Variants in TMEM68 observed in about 807,000 individuals in gnomAD.
TMEM68 encodes the protein DGAT1/2-independent enzyme synthesizing storage lipids.
Under a neutral mutation model 36.9 loss-of-function variants are expected in TMEM68, and 25 were observed. The observed-to-expected ratio is 0.68, with a 90% CI of 0.49 to 0.95. The LOEUF is 0.95. TMEM68 is among the 40% of genes least tolerant of loss of function. TMEM68 has a pLI of 0.00. For synonymous variants in TMEM68, 131 were observed against 124.4 expected, an observed-to-expected ratio of 1.05 and a Z score of -0.35; for missense variants, 333 against 392.0, an observed-to-expected ratio of 0.85 and a Z score of 1.27.
intron 1 of TMEM68, among the ~76,000 whole-genome samples, chr8:55,769,602 C>T (rs907781112): frequency 6.6e-6 from 1 of 152,022 alleles, no homozygotes; most frequent in Admixed American, 6.6e-5. Context: ...CTAACAAATG[C>T]TGGCTAAATA....
chr8:55,762,570 TG>T, intron 3 of TMEM68, 64 bp downstream of exon 3: 1 of 1,595,896 alleles, frequency 6.3e-7, no homozygotes, highest in Non-Finnish European at 8.5e-7. Context: ...TAAAATGGAA[TG>T]GTAACACAGT....
At chr8:55,762,443 C>T (rs901738128) in intron 3 of TMEM68, 192 bp downstream of exon 3, 117 of 1,126,918 alleles carry the variant, frequency 1.0e-4, no homozygotes, top group African/African-American at 3.2e-4. Context: ...TGGAAACCAA[C>T]GTCTATGGGA....
intron 1 of TMEM68, among the ~76,000 whole-genome samples, chr8:55,768,145 A>T (rs1031709023): frequency 7.4e-4 from 83 of 112,784 alleles, no homozygotes; most frequent in African/African-American, 2.5e-3. Context: ...GACAGCTTTA[A>T]AAAAAAAAAA....
At chr8:55,747,773 G>A (rs963494277) in intron 5 of TMEM68, 4 of 152,032 alleles carry the variant, frequency 2.6e-5, no homozygotes, top group African/African-American at 9.7e-5. Context: ...ATATTAGTAT[G>A]GCTGAAATCC....
intron 2 of TMEM68, chr8:55,763,490 T>C (rs9721236): frequency 0.87 from 133,126 of 152,348 alleles, 58,229 homozygotes; most frequent in East Asian, 0.99. Context: ...CAGGTTCAGG[T>C]AATCCTCCTG....
chr8:55,754,814 A>AT (rs1810546377), intron 4 of TMEM68, among the ~76,000 whole-genome samples: 1 of 131,974 alleles, frequency 7.6e-6, no homozygotes, highest in Non-Finnish European at 1.6e-5. Context: ...ATATATTTAT[A>AT]TTATATATAA....
intron 5 of TMEM68, among the ~76,000 whole-genome samples, chr8:55,748,669 C>T (rs6474013): frequency 0.85 from 129,142 of 151,866 alleles, 55,135 homozygotes; most frequent in East Asian, 0.99. Context: ...CACAATGGTG[C>T]GATCTCGGCT....
chr8:55,740,262 T>A, intron 7 of TMEM68, 44 bp from the exon 8 acceptor site: 1 of 1,439,970 alleles, frequency 6.9e-7, no homozygotes, highest in African/African-American at 1.4e-5. Flanking sequence ...TAGATCTTAA[T>A]ATAGACTGAT....
intron 1 of TMEM68, chr8:55,772,944 C>A (rs1811232990): frequency 6.6e-6 from 1 of 152,358 alleles, no homozygotes; most frequent in Non-Finnish European, 1.5e-5. Context: ...CGCCTCGCCC[C>A]ACCAGATGCA....
intron 1 of TMEM68, among the ~76,000 whole-genome samples, chr8:55,772,329 C>T (rs2130065379): frequency 6.6e-6 from 1 of 152,260 alleles, no homozygotes; most frequent in African/African-American, 2.4e-5. Flanking sequence ...TTTCGTAGCA[C>T]CAACCACGTC....
chr8:55,754,679 A>ATAAAATACATACTTAT (rs1224683606), intron 4 of TMEM68, among the ~76,000 whole-genome samples: 1 of 101,080 alleles, frequency 9.9e-6, no homozygotes, highest in Non-Finnish European at 1.9e-5. Flanking sequence ...TATATTATGT[A>ATAAAATACATACTTAT]ATATATATTA....
chr8:55,759,577 T>A (rs942765130), intron 3 of TMEM68, among the ~76,000 whole-genome samples: 5 of 151,302 alleles, frequency 3.3e-5, no homozygotes, highest in Non-Finnish European at 5.9e-5. Flanking sequence ...GTCTCAAAAA[T>A]AAATAAATAA....
chr8:55,768,354 G>C (rs1348850851), intron 1 of TMEM68, among the ~76,000 whole-genome samples: 2 of 152,152 alleles, frequency 1.3e-5, no homozygotes, highest in East Asian at 3.9e-4. Flanking sequence ...AAGGAGGAAA[G>C]AAACAGGTGG....
chr8:55,767,704 G>A (rs975408650), intron 1 of TMEM68, among the ~76,000 whole-genome samples: 11 of 152,212 alleles, frequency 7.2e-5, no homozygotes, highest in East Asian at 3.9e-4. Context: ...TTGGGAGGCC[G>A]AGGCGGGAGG....
chr8:55,755,566 C>T (rs531388233), intron 4 of TMEM68, among the ~76,000 whole-genome samples: 48 of 148,498 alleles, frequency 3.2e-4, no homozygotes, highest in African/African-American at 1.2e-3. Flanking sequence ...GCCACTGTGC[C>T]CAGCCAAGAC....
intron 5 of TMEM68, chr8:55,745,451 C>T (rs1477075060): frequency 1.3e-5 from 2 of 156,640 alleles, no homozygotes; most frequent in East Asian, 3.6e-4. Flanking sequence ...ATTAGTCTAT[C>T]AACTAAATTC....
rs773401337 is a variant in TMEM68, at chr8:55,762,632, T to A, written c.325+3A>T. On this transcript the variant is annotated splice_donor_region_variant and intron_variant, in intron 3 of 7. Transcript: ENST00000434581. ...ACACAAAGGTGAAAGTATCCTTGCTTACCATGCCAAACGGCTGCATGTCCA... is the reference window on the plus strand; with the variant it reads ...ACACAAAGGTGAAAGTATCCTTGCTAACCATGCCAAACGGCTGCATGTCCA... The A allele has an allele frequency of 1.9e-6, 3 of 1,614,174 alleles. No individual in the cohort carries two copies. The highest frequency in any genetic ancestry group is 1.7e-6 in the Non-Finnish European group (2 of 1,180,034).
At chr8:55,771,150 G>A (rs1585740209) in intron 1 of TMEM68, among the ~76,000 whole-genome samples, 2 of 141,976 alleles carry the variant, frequency 1.4e-5, no homozygotes, top group South Asian at 2.3e-4. Flanking sequence ...ATGAATCTCC[G>A]TCTCCAAAAA....
rs370508732 is a variant in TMEM68, at chr8:55,743,541, G to A, written c.828C>T (p.Thr276=). The A allele has an allele frequency of 4.6e-6, 7 of 1,535,876 alleles. No individual in the cohort carries two copies. The highest frequency in any genetic ancestry group is 3.5e-6 in the Non-Finnish European group (4 of 1,146,796). ...CATACGGAATGGGGTCGCCTAAATAGGTCCGTAACTTCACTGGAAAACCTC... is the reference window on the plus strand; with the variant it reads ...CATACGGAATGGGGTCGCCTAAATAAGTCCGTAACTTCACTGGAAAACCTC... ...MYGGFPVKLR[T]YLGDPIPYDP... Residue 276 remains threonine (T), a synonymous_variant, in exon 7 of 8, where the codon ACC becomes ACT. Coordinates refer to ENST00000434581, the MANE Select transcript of TMEM68 (RefSeq NM_001286657.2).
Sources: gnomAD v4.1 joint callset for allele counts (sites outside exome capture counted in the v4.1 genomes callset) on GRCh38, gnomAD v4.1.1 for gene constraint, MANE v1.5 for transcripts, NCBI Gene and HGNC (gene_info 2026-07-23, HGNC 2026-07-21) for gene names.